The following SPON1 variants were observed in gnomAD, a reference collection of about 807,000 sequenced individuals.
SPON1 encodes the protein spondin 1.
SPON1 carries 52 observed loss-of-function variants against 111.7 expected under a neutral mutation model. That is an observed-to-expected ratio of 0.47 (90% CI 0.37 to 0.59). The LOEUF is 0.59. SPON1 is among the 20% of genes least tolerant of loss of function. The pLI is 0.00. For synonymous variants in SPON1, 410 were observed against 395.8 expected (o/e 1.04, Z -0.43); for missense variants, 957 against 1,068.5 (o/e 0.90, Z 1.46).
chr11:14,109,696 A>G (rs782073421), intron 5 of SPON1, among the ~76,000 whole-genome samples: 6 of 152,248 alleles, frequency 3.9e-5, no homozygotes, highest in South Asian at 2.1e-4. Context: ...GGCTCCCCCA[A>G]TAAAGGATAA....
chr11:14,141,029 C>CCA (rs71041572), intron 6 of SPON1, among the ~76,000 whole-genome samples: 7 of 132,244 alleles, frequency 5.3e-5, no homozygotes, highest in Non-Finnish European at 8.2e-5. Context: ...GTGCCCCCCC[C>CCA]ATGCCCCACT....
chr11:13,995,339 G>A (rs1314227321), intron 2 of SPON1, among the ~76,000 whole-genome samples: 9 of 152,174 alleles, frequency 5.9e-5, no homozygotes, highest in Admixed American at 5.9e-4. Flanking sequence ...GATACTACCT[G>A]AGACTGGGTA....
intron 3 of SPON1, among the ~76,000 whole-genome samples, chr11:14,057,844 C>CAAAAAAAACAAAAAAA (rs1277903384): frequency 8.0e-6 from 1 of 125,460 alleles, no homozygotes; most frequent in African/African-American, 2.9e-5. Context: ...AAAAAAAAAA[C>CAAAAAAAACAAAAAAA]AAAACAAAAA....
intron 6 of SPON1, among the ~76,000 whole-genome samples, chr11:14,188,193 C>G (rs550711804): frequency 2.6e-5 from 4 of 152,282 alleles, no homozygotes; most frequent in Admixed American, 2.6e-4. Flanking sequence ...CAGGTCTGAG[C>G]CACTGTGCCC....
chr11:13,976,443 T>C lies in SPON1; in HGVS notation c.239-6404T>C, dbSNP rs141542719. ...GGAAAGATAGAGTCTCCTCTATTCCTTCAAATTATACTGTGTAACAACATC... is the reference window on the plus strand; with the variant it reads ...GGAAAGATAGAGTCTCCTCTATTCCCTCAAATTATACTGTGTAACAACATC... On this transcript the variant is annotated intron_variant, in intron 1 of 15. Transcript: ENST00000576479. Among the ~76,000 whole-genome samples the C allele has an allele frequency of 2.7e-3, 406 of 152,338 alleles. 2 individuals are homozygous for C. Among genetic ancestry groups the C allele is most frequent in the African/African-American group, 9.4e-3 (389 of 41,574 alleles).
intron 5 of SPON1, among the ~76,000 whole-genome samples, chr11:14,129,365 C>G (rs1421112874): frequency 6.6e-6 from 1 of 152,188 alleles, no homozygotes; most frequent in Non-Finnish European, 1.5e-5. Context: ...CATAAATCCT[C>G]TCTTTCAAGT....
At chr11:14,016,867 G>C (rs1291145017) in intron 2 of SPON1, among the ~76,000 whole-genome samples, 5 of 152,046 alleles carry the variant, frequency 3.3e-5, no homozygotes, top group African/African-American at 1.2e-4. Flanking sequence ...ACTAAGTGCT[G>C]GGCACTGCAT....
intron 6 of SPON1, among the ~76,000 whole-genome samples, chr11:14,156,555 A>C (rs1187178057): frequency 6.6e-6 from 1 of 151,494 alleles, no homozygotes; most frequent in African/African-American, 2.4e-5. Context: ...TGTTTTAGAC[A>C]TGAAGTCCTT....
At chr11:14,243,600 A>AATGGCTTTAATACCACAGCCAGATGTG (rs1554939958) in intron 7 of SPON1, among the ~76,000 whole-genome samples, 1 of 152,110 alleles carries the variant, frequency 6.6e-6, no homozygotes, top group African/African-American at 2.4e-5. Context: ...GTTTTCCCCC[A>AATGGCTTTAATACCACAGCCAGATGTG]ATGGCTTTAA....
At chr11:14,097,884 T>G (rs1180229682) in intron 5 of SPON1, among the ~76,000 whole-genome samples, 2 of 152,364 alleles carry the variant, frequency 1.3e-5, no homozygotes, top group East Asian at 3.9e-4. Flanking sequence ...TTCTGTGGTC[T>G]CCCACTTGTT....
At chr11:14,125,227 A>G (rs11824730) in intron 5 of SPON1, among the ~76,000 whole-genome samples, 3,314 of 152,330 alleles carry the variant, frequency 0.022, 119 homozygotes, top group African/African-American at 0.075. Context: ...CTAGAACTGC[A>G]TCTAGCATGA....
intron 3 of SPON1, among the ~76,000 whole-genome samples, chr11:14,069,911 C>T (rs1365095780): frequency 2.0e-5 from 3 of 152,016 alleles, no homozygotes; most frequent in African/African-American, 7.2e-5. Context: ...TTTCTTCTCC[C>T]ATGGGCCCAC....
chr11:14,066,159 A>G (rs990826318), intron 3 of SPON1, among the ~76,000 whole-genome samples: 4 of 152,244 alleles, frequency 2.6e-5, no homozygotes, highest in Non-Finnish European at 4.4e-5. Flanking sequence ...ATTGAAAAAT[A>G]AAAGTAATTT....
chr11:14,236,080 T>C (rs1237711252), intron 6 of SPON1, among the ~76,000 whole-genome samples: 3 of 152,034 alleles, frequency 2.0e-5, no homozygotes, highest in Non-Finnish European at 4.4e-5. Context: ...TGCTGTGAGA[T>C]GCAAAGCCAC....
At chr11:14,060,332 C>A (rs1318895138) in intron 3 of SPON1, among the ~76,000 whole-genome samples, 2 of 152,124 alleles carry the variant, frequency 1.3e-5, no homozygotes, top group Non-Finnish European at 2.9e-5. Context: ...CTATCTAATA[C>A]CCAGTAGTTT....
chr11:14,182,259 C>T (rs566832677), intron 6 of SPON1, among the ~76,000 whole-genome samples: 2 of 152,288 alleles, frequency 1.3e-5, no homozygotes, highest in East Asian at 1.9e-4. Flanking sequence ...TTTAAAATCA[C>T]ATTTGAATAG....
intron 6 of SPON1, among the ~76,000 whole-genome samples, chr11:14,175,842 A>G (rs1235015768): frequency 1.3e-5 from 2 of 152,216 alleles, no homozygotes; most frequent in Admixed American, 6.5e-5. Flanking sequence ...ACTGTCTTAC[A>G]GAACCATAGG....
At chr11:14,197,584 C>G (rs1450930109) in intron 6 of SPON1, among the ~76,000 whole-genome samples, 2 of 151,260 alleles carry the variant, frequency 1.3e-5, no homozygotes, top group South Asian at 4.2e-4. Context: ...GGCAGTATCA[C>G]CTGAGGTCAG....
intron 2 of SPON1, among the ~76,000 whole-genome samples, chr11:14,011,216 C>T (rs1554913700): frequency 6.6e-6 from 1 of 152,178 alleles, no homozygotes; most frequent in Non-Finnish European, 1.5e-5. Flanking sequence ...GCACTGGACT[C>T]TACTGAAAAC....
Sources: allele counts gnomAD v4.1 joint callset (sites outside exome capture counted in the v4.1 genomes callset), GRCh38; gene constraint gnomAD v4.1.1; transcripts MANE v1.5; gene names NCBI Gene and HGNC (gene_info 2026-07-23, HGNC 2026-07-21).